PHF21B: variants seen among roughly 807,000 people sequenced by gnomAD.
PHF21B encodes the protein PHD finger protein 4.
Under a neutral mutation model 62.2 loss-of-function variants are expected in PHF21B, and 22 were observed. That is an observed-to-expected ratio of 0.35 (90% CI 0.25 to 0.51). PHF21B has a LOEUF of 0.51. Among genes scored for constraint, PHF21B ranks in the 20% least tolerant of loss-of-function variants. The pLI is 0.97. For missense variants in PHF21B, 701 were observed against 707.9 expected, an observed-to-expected ratio of 0.99 and a Z score of 0.11; for synonymous variants, 341 against 314.7, an observed-to-expected ratio of 1.08 and a Z score of -0.88.
intron 2 of PHF21B, among the ~76,000 whole-genome samples, chr22:44,982,805 G>T (rs1329205763): frequency 6.6e-6 from 1 of 152,112 alleles, no homozygotes; most frequent in East Asian, 1.9e-4. Flanking sequence ...TGTGTATTAC[G>T]GGAGCAGCAG....
intron 2 of PHF21B, among the ~76,000 whole-genome samples, chr22:44,939,056 C>T (rs1240003026): frequency 2.6e-5 from 4 of 152,230 alleles, no homozygotes; most frequent in African/African-American, 4.8e-5. Flanking sequence ...GAGCCGGCAC[C>T]GACCATCTGC....
intron 2 of PHF21B, among the ~76,000 whole-genome samples, chr22:45,002,589 G>A (rs2073239996): frequency 6.6e-6 from 1 of 152,198 alleles, no homozygotes; most frequent in Admixed American, 6.5e-5. Flanking sequence ...CCCCACGCAG[G>A]TGACAAACAC....
chr22:44,905,625 T>C (rs1022773695), intron 5 of PHF21B, among the ~76,000 whole-genome samples: 1 of 152,080 alleles, frequency 6.6e-6, no homozygotes, highest in African/African-American at 2.4e-5. Flanking sequence ...TTTCTTTTTG[T>C]TTTTTTGTTT....
chr22:44,946,897 A>T (rs971441616), intron 2 of PHF21B, among the ~76,000 whole-genome samples: 1 of 152,208 alleles, frequency 6.6e-6, no homozygotes, highest in Admixed American at 6.5e-5. Context: ...AGAAGGATGG[A>T]GGGTAGCAGG....
Position 44,920,480 on chromosome 22 carries a change from G to A in PHF21B, c.131C>T (p.Thr44Met), listed in dbSNP as rs754027328. 5.5e-5 allele frequency: 89 copies of A among 1,610,600 alleles called. 4 individuals are homozygous for A. In the South Asian group the frequency reaches 8.9e-4, roughly 16 times the overall value. ...ACCCGTGACAGGCACTGCAGTGATC[G>A]TTCCCAAAGCCTGAAACATACAGGA... is the stretch of plus-strand genomic sequence containing the variant. ...AALSDKQALG[T>M]ITAVPVTGPQ... The change falls in exon 3 of 13, where the codon ACG becomes ATG. Residue 44 changes from threonine (T) to methionine (M), a missense_variant. Transcript: ENST00000313237.
At chr22:44,886,393 A>G (rs1280508064) in intron 10 of PHF21B, among the ~76,000 whole-genome samples, 1 of 1,200 alleles carries the variant, frequency 8.3e-4, no homozygotes, top group Non-Finnish European at 2.2e-3. Context: ...AAGAAGAGGC[A>G]AAAAAAAAAA....
intron 4 of PHF21B, among the ~76,000 whole-genome samples, chr22:44,916,015 T>TGC (rs1253387038): frequency 6.6e-6 from 1 of 152,248 alleles, no homozygotes; most frequent in Non-Finnish European, 1.5e-5. Context: ...CCACTGGTAT[T>TGC]AATTCATGCA....
intron 5 of PHF21B, among the ~76,000 whole-genome samples, chr22:44,907,022 C>T (rs919745944): frequency 6.6e-6 from 1 of 152,208 alleles, no homozygotes; most frequent in Non-Finnish European, 1.5e-5. Flanking sequence ...ATCACCTTGA[C>T]ACCTGTAGGT....
intron 12 of PHF21B, among the ~76,000 whole-genome samples, chr22:44,884,811 TCAC>T (rs1259745409): frequency 6.7e-6 from 1 of 148,612 alleles, no homozygotes; most frequent in Non-Finnish European, 1.5e-5. Flanking sequence ...CATATCATCA[TCAC>T]CATCACCATC....
intron 12 of PHF21B, among the ~76,000 whole-genome samples, chr22:44,883,863 C>T (rs1488771495): frequency 6.6e-6 from 1 of 152,128 alleles, no homozygotes; most frequent in Non-Finnish European, 1.5e-5. Flanking sequence ...AGCCTCTTCA[C>T]AGCATTATAG....
intron 2 of PHF21B, among the ~76,000 whole-genome samples, chr22:44,930,849 A>G (rs2071727791): frequency 6.6e-6 from 1 of 152,138 alleles, no homozygotes. Context: ...GCCTGTTTGG[A>G]CCTCGGTATC....
At chr22:44,959,837 A>G (rs1017232779) in intron 2 of PHF21B, among the ~76,000 whole-genome samples, 1 of 152,198 alleles carries the variant, frequency 6.6e-6, no homozygotes, top group Non-Finnish European at 1.5e-5. Flanking sequence ...GAAGCCCAGG[A>G]GTTCAGGAGA....
In PHF21B at chr22:44,881,269, C is replaced by T. The variant is rs1340645691; in HGVS notation, c.*1817G>A. On this transcript the variant is annotated 3_prime_UTR_variant, in exon 13 of 13. Coordinates refer to ENST00000313237, the MANE Select transcript of PHF21B (RefSeq NM_138415.5). The stretch of plus-strand genomic sequence containing the variant: ...CCTCACTACCCACTGGACGGTCCTC[C>T]TTGGTCCAAAAAAAACCTAACAATC... The T allele has an allele frequency of 6.6e-6, 1 of 152,646 alleles. No individual in the cohort carries two copies. 9.5% of individuals were successfully genotyped at this position (152,646 alleles called of 1,614,324 possible). A position where few individuals can be genotyped will look rare whatever the true frequency, so the allele number is the denominator to read the frequency against.
intron 3 of PHF21B, among the ~76,000 whole-genome samples, chr22:44,919,127 C>A (rs1187795121): frequency 3.3e-5 from 5 of 152,176 alleles, no homozygotes; most frequent in African/African-American, 1.2e-4. Context: ...TCAAGCACTA[C>A]CTCCTCCAGG....
intron 2 of PHF21B, among the ~76,000 whole-genome samples, chr22:45,007,449 G>A (rs566545801): frequency 6.8e-6 from 1 of 148,076 alleles, no homozygotes; most frequent in African/African-American, 2.6e-5. Context: ...CCGGGCGGGG[G>A]CGCGCGGGGG....
Position 44,885,946 on chromosome 22 carries a change from G to A in PHF21B, c.1198-8C>T. 6.2e-7 allele frequency: 1 copy of A among 1,613,686 alleles called. No individual in the cohort carries two copies. The highest frequency in any genetic ancestry group is 8.5e-7 in the Non-Finnish European group (1 of 1,179,820). On this transcript the variant is annotated splice_region_variant and splice_polypyrimidine_tract_variant and intron_variant, in intron 10 of 12. Coordinates refer to ENST00000313237, the MANE Select transcript of PHF21B (RefSeq NM_138415.5). ...CTCGTCTTTCTTTAAGGCCTGGGGA[G>A]CAGACGGGGAGATGAAAAAGTGGAC...
At chr22:44,933,601 G>C in intron 2 of PHF21B, 2 of 933,296 alleles carry the variant, frequency 2.1e-6, no homozygotes, top group African/African-American at 1.8e-5. Flanking sequence ...CGGCTACATA[G>C]AAGGGGTAAG....
rs149802871 is a variant in PHF21B at position 44,926,777 on chromosome 22, T to A, written c.121-6287A>T. Reference sequence around the variant, plus strand: ...TGCATGAGCTAGGGGTGGCCATGTATCCGTGTCCGGGTGTTGCTGCGTGAG... The same window carrying A: ...TGCATGAGCTAGGGGTGGCCATGTAACCGTGTCCGGGTGTTGCTGCGTGAG... On this transcript the variant is annotated intron_variant, in intron 2 of 12. Coordinates refer to ENST00000313237, the MANE Select transcript of PHF21B (RefSeq NM_138415.5). 1.1e-3 allele frequency among the ~76,000 whole-genome samples: 173 copies of A among 152,248 alleles called. 1 individual carries two copies. The highest frequency in any genetic ancestry group is 4.1e-3 in the African/African-American group (169 of 41,526).
chr22:44,929,296 C>T (rs186662790), intron 2 of PHF21B, among the ~76,000 whole-genome samples: 3 of 152,314 alleles, frequency 2.0e-5, no homozygotes, highest in East Asian at 1.9e-4. Flanking sequence ...TTCCACGGGC[C>T]GCTGCTGCTG....
Sources: gnomAD v4.1 joint callset for allele counts (sites outside exome capture counted in the v4.1 genomes callset) on GRCh38, gnomAD v4.1.1 for gene constraint, MANE v1.5 for transcripts, NCBI Gene and HGNC (gene_info 2026-07-23, HGNC 2026-07-21) for gene names.